The following AKT3 variants were observed in gnomAD, a reference collection of about 807,000 sequenced individuals.
AKT3 encodes the protein AKT serine/threonine kinase 3.
AKT3 carries 15 observed loss-of-function variants against 65.3 expected under a neutral mutation model. That is an observed-to-expected ratio of 0.23 (90% CI 0.15 to 0.35). The LOEUF (loss-of-function observed/expected upper bound fraction) is 0.35, where lower values mean the gene tolerates loss of function less well. Ranked by LOEUF, AKT3 falls within the 10% of genes least tolerant of loss-of-function variation. AKT3 has a pLI of 1.00. For missense variants in AKT3, 243 were observed against 576.5 expected (o/e 0.42, Z 5.92); for synonymous variants, 206 against 183.8 (o/e 1.12, Z -0.98).
At chr1:243,599,750 C>T (rs1676877968) in intron 8 of AKT3, among the ~76,000 whole-genome samples, 2 of 152,104 alleles carry the variant, frequency 1.3e-5, no homozygotes. Flanking sequence ...AGTATGAATG[C>T]TTCTGCCCTA....
intron 2 of AKT3, among the ~76,000 whole-genome samples, chr1:243,765,807 C>T (rs1162570205): frequency 6.6e-6 from 1 of 152,130 alleles, no homozygotes; most frequent in East Asian, 1.9e-4. Context: ...AGTAAACGTT[C>T]AAGTTAATCA....
intron 3 of AKT3, among the ~76,000 whole-genome samples, chr1:243,668,347 T>A (rs1325082608): frequency 9.9e-5 from 15 of 152,114 alleles, no homozygotes; most frequent in Admixed American, 9.8e-4. Flanking sequence ...AATAGTTTAG[T>A]AATAAAATAA....
intron 4 of AKT3, 47 bp from the exon 5 acceptor site, chr1:243,646,084 T>C (rs757338967): frequency 6.8e-6 from 10 of 1,480,016 alleles, no homozygotes; most frequent in African/African-American, 5.7e-5. Context: ...TGGTAAATGA[T>C]TTAAATATTT....
intron 2 of AKT3, among the ~76,000 whole-genome samples, chr1:243,763,840 C>A (rs932671801): frequency 1.3e-5 from 2 of 152,046 alleles, no homozygotes; most frequent in Non-Finnish European, 2.9e-5. Context: ...GTTTAAAACT[C>A]CTTTTCTGTT....
At chr1:243,585,127 T>A (rs553481344) in intron 8 of AKT3, among the ~76,000 whole-genome samples, 1 of 151,776 alleles carries the variant, frequency 6.6e-6, no homozygotes, top group Non-Finnish European at 1.5e-5. Flanking sequence ...GAGAGCCAAA[T>A]CATTTACAAT....
intron 2 of AKT3, among the ~76,000 whole-genome samples, chr1:243,820,676 G>A (rs761435963): frequency 2.6e-5 from 4 of 152,150 alleles, no homozygotes; most frequent in South Asian, 4.1e-4. Context: ...AATAGCCAAA[G>A]AGACCAAGTG....
At chr1:243,704,377 G>A (rs537612392) in intron 2 of AKT3, among the ~76,000 whole-genome samples, 1 of 152,016 alleles carries the variant, frequency 6.6e-6, no homozygotes, top group Non-Finnish European at 1.5e-5. Flanking sequence ...CCCAGCCCTC[G>A]TGGAGCTTTA....
chr1:243,768,783 A>G (rs1689986864), intron 2 of AKT3, among the ~76,000 whole-genome samples: 1 of 151,656 alleles, frequency 6.6e-6, no homozygotes, highest in South Asian at 2.1e-4. Flanking sequence ...TGCAGTGAGC[A>G]AAGATCACGC....
intron 12 of AKT3, among the ~76,000 whole-genome samples, chr1:243,521,315 C>T (rs1337002707): frequency 6.6e-6 from 1 of 152,154 alleles, no homozygotes; most frequent in Non-Finnish European, 1.5e-5. Flanking sequence ...AGACAGTAAT[C>T]TGGTGCTATA....
At chr1:243,532,007 CGT>C (rs912329234) in intron 12 of AKT3, among the ~76,000 whole-genome samples, 1 of 152,118 alleles carries the variant, frequency 6.6e-6, no homozygotes, top group African/African-American at 2.4e-5. Context: ...AAGTGTGGCA[CGT>C]GTGTGTGTAT....
chr1:243,681,540 T>A (rs566031282), intron 3 of AKT3, among the ~76,000 whole-genome samples: 1 of 152,274 alleles, frequency 6.6e-6, no homozygotes, highest in South Asian at 2.1e-4. Context: ...TATTTGTTCC[T>A]TTGCTCTAGC....
chr1:243,548,679 C>T (rs1178169998), intron 11 of AKT3, among the ~76,000 whole-genome samples: 1 of 152,162 alleles, frequency 6.6e-6, no homozygotes, highest in African/African-American at 2.4e-5. Context: ...TCAGCTACTA[C>T]AAATTCCTTT....
At chr1:243,535,155 T>TATTTTAAAATATATTAAAA (rs1553398014) in intron 12 of AKT3, among the ~76,000 whole-genome samples, 22 of 131,378 alleles carry the variant, frequency 1.7e-4, no homozygotes, top group Admixed American at 4.5e-4. Flanking sequence ...TTTTAAAATA[T>TATTTTAAAATATATTAAAA]ATTTTAAAAT....
intron 6 of AKT3, among the ~76,000 whole-genome samples, chr1:243,634,254 T>G (rs997778618): frequency 6.6e-6 from 1 of 152,068 alleles, no homozygotes; most frequent in Non-Finnish European, 1.5e-5. Flanking sequence ...TTAATATTTT[T>G]ATTCTTGTAT....
chr1:243,571,882 A>G (rs1477446261), intron 9 of AKT3, among the ~76,000 whole-genome samples: 1 of 152,200 alleles, frequency 6.6e-6, no homozygotes, highest in East Asian at 1.9e-4. Flanking sequence ...TTTTATAGGT[A>G]CATAGTTCAG....
At chr1:243,594,322 T>A (rs572301800) in intron 8 of AKT3, among the ~76,000 whole-genome samples, 4 of 152,338 alleles carry the variant, frequency 2.6e-5, no homozygotes, top group African/African-American at 9.6e-5. Flanking sequence ...TAAATAGATT[T>A]ATGGATTAAA....
At chr1:243,724,241 AG>A (rs1183534365) in intron 2 of AKT3, among the ~76,000 whole-genome samples, 4 of 149,846 alleles carry the variant, frequency 2.7e-5, no homozygotes, top group South Asian at 4.2e-4. Flanking sequence ...AGAAAAATTG[AG>A]GGGAAAAAAA....
At chr1:243,683,646 G>A (rs2147983702) in intron 3 of AKT3, among the ~76,000 whole-genome samples, 1 of 152,170 alleles carries the variant, frequency 6.6e-6, no homozygotes, top group African/African-American at 2.4e-5. Context: ...CGAAAAAGTT[G>A]AGTGAGACAG....
intron 12 of AKT3, among the ~76,000 whole-genome samples, chr1:243,539,859 T>C (rs1672190550): frequency 6.6e-6 from 1 of 152,102 alleles, no homozygotes; most frequent in African/African-American, 2.4e-5. Context: ...GATAAATTCC[T>C]TGAAAGACAC....
Sources: gnomAD v4.1 joint callset for allele counts (sites outside exome capture counted in the v4.1 genomes callset) on GRCh38, gnomAD v4.1.1 for gene constraint, MANE v1.5 for transcripts, NCBI Gene and HGNC (gene_info 2026-07-23, HGNC 2026-07-21) for gene names.